Variants in CNTNAP2 observed in about 807,000 individuals in gnomAD.
CNTNAP2 encodes the protein contactin associated protein 2.
In CNTNAP2, 98 loss-of-function variants were observed where a neutral mutation model predicts 155.2. The observed-to-expected ratio is 0.63, with a 90% CI of 0.54 to 0.75. CNTNAP2 has a LOEUF of 0.75. Among genes scored for constraint, CNTNAP2 ranks in the 30% least tolerant of loss-of-function variants. The probability of loss-of-function intolerance (pLI) is 0.00; values close to 1 mark genes in which losing one functional copy is unlikely to be tolerated. For synonymous variants in CNTNAP2, 651 were observed against 631.2 expected, an observed-to-expected ratio of 1.03 and a Z score of -0.47; for missense variants, 1,727 against 1,688.1, an observed-to-expected ratio of 1.02 and a Z score of -0.40.
In CNTNAP2 at chr7:147,056,603, A is replaced by T. The variant is rs112617311; in HGVS notation, c.550+12549A>T. Reference sequence around the variant, plus strand: ...ACAGGTGTGGGTGTGTTTTTTGTTGAAACAAAATAATGTATACTTACTAAT... The same window carrying T: ...ACAGGTGTGGGTGTGTTTTTTGTTGTAACAAAATAATGTATACTTACTAAT... On this transcript the variant is annotated intron_variant, in intron 4 of 23. Coordinates refer to ENST00000361727, the MANE Select transcript of CNTNAP2 (RefSeq NM_014141.6). Among the ~76,000 whole-genome samples the T allele has an allele frequency of 5.3e-3, 805 of 152,228 alleles. 3 individuals are homozygous for T. Among genetic ancestry groups the T allele is most frequent in the African/African-American group, 0.018 (767 of 41,528 alleles).
chr7:147,148,960 T>C (rs1801771857), intron 8 of CNTNAP2, among the ~76,000 whole-genome samples: 1 of 151,982 alleles, frequency 6.6e-6, no homozygotes, highest in South Asian at 2.1e-4. Context: ...ACACAAAGAG[T>C]GAGCAGCAGC....
intron 15 of CNTNAP2, among the ~76,000 whole-genome samples, chr7:148,068,606 T>C (rs1803315062): frequency 1.3e-5 from 2 of 152,214 alleles, no homozygotes; most frequent in African/African-American, 2.4e-5. Context: ...TTGAAAACAG[T>C]TGATCCTTTG....
At chr7:146,305,093 G>A (rs116531913) in intron 1 of CNTNAP2, among the ~76,000 whole-genome samples, 4,473 of 151,898 alleles carry the variant, frequency 0.029, 103 homozygotes, top group African/African-American at 0.062. Context: ...GCATCACGTC[G>A]TTCTCATGCC....
chr7:147,568,962 A>AT (rs1000731167), intron 12 of CNTNAP2, among the ~76,000 whole-genome samples: 1 of 151,846 alleles, frequency 6.6e-6, no homozygotes, highest in Non-Finnish European at 1.5e-5. Context: ...CTTTGCATTC[A>AT]TTTTTTTCTT....
intron 20 of CNTNAP2, among the ~76,000 whole-genome samples, chr7:148,230,227 T>A (rs780014779): frequency 9.2e-5 from 14 of 152,230 alleles, no homozygotes; most frequent in Non-Finnish European, 2.1e-4. Context: ...AGAGCCTTTG[T>A]CTTAAAAATC....
chr7:147,013,643 G>A (rs892740242), intron 3 of CNTNAP2, among the ~76,000 whole-genome samples: 9 of 151,878 alleles, frequency 5.9e-5, no homozygotes, highest in African/African-American at 1.7e-4. Context: ...ATCCGTGTCC[G>A]TCTATCCCCT....
intron 16 of CNTNAP2, among the ~76,000 whole-genome samples, chr7:148,124,781 G>A (rs1242662340): frequency 2.0e-5 from 3 of 152,148 alleles, no homozygotes; most frequent in Admixed American, 6.5e-5. Flanking sequence ...GCATTTAATC[G>A]TTAAAATAAG....
chr7:147,147,976 T>G (rs1021403098), intron 8 of CNTNAP2, among the ~76,000 whole-genome samples: 2 of 152,214 alleles, frequency 1.3e-5, no homozygotes, highest in Non-Finnish European at 2.9e-5. Flanking sequence ...TCTTTCATTT[T>G]GGGTACATAA....
At position 146,479,351 on chromosome 7, in the gene CNTNAP2, C is replaced by T. The variant is rs1584944060; in HGVS notation, c.98-294920C>T. ...CATCAGGAAAAAGGTTTAGTGGAGG[C>T]AGTTCTATATATTGACATTTCTTAT... On this transcript the variant is annotated intron_variant, in intron 1 of 23. Coordinates refer to ENST00000361727, the MANE Select transcript of CNTNAP2 (RefSeq NM_014141.6). 2.6e-5 allele frequency among the ~76,000 whole-genome samples: 4 copies of T among 152,160 alleles called. No individual in the cohort carries two copies. The South Asian group carries it at 8.3e-4, about 32-fold the overall frequency.
chr7:147,232,315 G>A (rs1010790196), intron 8 of CNTNAP2, among the ~76,000 whole-genome samples: 13 of 152,162 alleles, frequency 8.5e-5, no homozygotes, highest in African/African-American at 2.9e-4. Context: ...CGGAAATGCC[G>A]TTTCACAGAA....
chr7:148,113,144 G>T (rs1804391987), intron 15 of CNTNAP2, among the ~76,000 whole-genome samples: 1 of 152,080 alleles, frequency 6.6e-6, no homozygotes, highest in African/African-American at 2.4e-5. Context: ...CCTGAGACTG[G>T]GTAATTTATA....
chr7:147,570,078 C>A (rs62481331), intron 12 of CNTNAP2, among the ~76,000 whole-genome samples: 1 of 152,134 alleles, frequency 6.6e-6, no homozygotes, highest in African/African-American at 2.4e-5. Flanking sequence ...CGCTTTCCAG[C>A]GCTGACCTGA....
At chr7:146,431,606 A>G (rs942655461) in intron 1 of CNTNAP2, among the ~76,000 whole-genome samples, 3 of 152,078 alleles carry the variant, frequency 2.0e-5, no homozygotes, top group African/African-American at 7.2e-5. Context: ...TAATTTTTAT[A>G]ATAGATCAAT....
At chr7:146,382,712 C>G (rs1795407251) in intron 1 of CNTNAP2, among the ~76,000 whole-genome samples, 1 of 152,074 alleles carries the variant, frequency 6.6e-6, no homozygotes, top group Admixed American at 6.6e-5. Flanking sequence ...ATAATCCAAT[C>G]TCCATATCAG....
At chr7:146,488,785 C>T (rs761883269) in intron 1 of CNTNAP2, among the ~76,000 whole-genome samples, 9 of 152,088 alleles carry the variant, frequency 5.9e-5, no homozygotes, top group Admixed American at 1.3e-4. Context: ...CGTGCCACCA[C>T]GCCTGGCTAG....
Position 147,519,023 on chromosome 7 carries a change from C to CAA in CNTNAP2, c.1777+33004_1777+33005dup, listed in dbSNP as rs149054741. Among the ~76,000 whole-genome samples, 294 of 102,230 alleles carry CAA rather than the reference C, an allele frequency of 2.9e-3. 2 individuals are homozygous for CAA. Among genetic ancestry groups the CAA allele is most frequent in the African/African-American group, 7.6e-3 (206 of 26,998 alleles). 67.1% of individuals were successfully genotyped at this position (102,230 alleles called of 152,430 possible). ...TCCAGCCTGGCGACAGACTCTGTCTCAAAAAAAAAAAAAAAAAAAAAAATT... is the reference window on the plus strand; with the variant it reads ...TCCAGCCTGGCGACAGACTCTGTCTCAAAAAAAAAAAAAAAAAAAAAAAAATT... On this transcript the variant is annotated intron_variant, in intron 11 of 23. Coordinates refer to ENST00000361727, the MANE Select transcript of CNTNAP2 (RefSeq NM_014141.6).
chr7:146,430,778 A>T (rs1290728385), intron 1 of CNTNAP2, among the ~76,000 whole-genome samples: 1 of 152,052 alleles, frequency 6.6e-6, no homozygotes, highest in Non-Finnish European at 1.5e-5. Context: ...CTAAATACTC[A>T]ACTGTGTGTA....
chr7:146,279,154 T>C (rs193204226), intron 1 of CNTNAP2, among the ~76,000 whole-genome samples: 1 of 152,224 alleles, frequency 6.6e-6, no homozygotes, highest in Non-Finnish European at 1.5e-5. Flanking sequence ...CCTGTTGTCA[T>C]TGGATTTTGA....
At chr7:147,892,122 A>G (rs559975840) in intron 13 of CNTNAP2, among the ~76,000 whole-genome samples, 2 of 152,356 alleles carry the variant, frequency 1.3e-5, no homozygotes, top group Non-Finnish European at 2.9e-5. Context: ...ATGAGAAATG[A>G]CAAATAGCTT....
Sources: gnomAD v4.1 joint callset for allele counts (sites outside exome capture counted in the v4.1 genomes callset) on GRCh38, gnomAD v4.1.1 for gene constraint, MANE v1.5 for transcripts, NCBI Gene and HGNC (gene_info 2026-07-23, HGNC 2026-07-21) for gene names.